PRPS2: variants seen among roughly 807,000 people sequenced by gnomAD.
The protein encoded by PRPS2 is ribose-phosphate pyrophosphokinase 2.
For missense variants in PRPS2, 104 were observed against 271.5 expected (o/e 0.38, Z 4.34); for synonymous variants, 111 against 115.3 (o/e 0.96, Z 0.24).
At chrX:12,809,798 A>G (rs1233404667) in intron 3 of PRPS2, among the ~76,000 whole-genome samples, 5 of 112,500 alleles carry the variant, frequency 4.4e-5, no homozygotes, top group African/African-American at 1.6e-4. Context: ...TCATAAGACA[A>G]TGGAATATGT....
chrX:12,796,055 A>T (rs1231069657), intron 1 of PRPS2, among the ~76,000 whole-genome samples: 12 of 110,802 alleles, frequency 1.1e-4, no homozygotes. Context: ...TTTCTTTAAA[A>T]TTTTTTTTAG....
Position 12,792,672 on chromosome X carries a change from A to G in PRPS2, c.122+1053A>G, listed in dbSNP as rs760509989. Among the ~76,000 whole-genome samples, 7 of 112,658 alleles carry G rather than the reference A, an allele frequency of 6.2e-5. No individual in the cohort carries two copies. In the East Asian group the frequency reaches 1.7e-3, roughly 27 times the overall value. On this transcript the variant is annotated intron_variant, in intron 1 of 6. Transcript: ENST00000380668. ...AGGTTCAATTTTACCAACATTTTCT[A>G]GAAATGGTGTTGGAACAGTTGGACA...
chrX:12,791,710 C>T, intron 1 of PRPS2, 91 bp downstream of exon 1: 2 of 784,818 alleles, frequency 2.5e-6, no homozygotes. Context: ...CGGGCCACCT[C>T]CGCGGACGCC....
chrX:12,812,051 G>A lies in PRPS2; in HGVS notation c.530+1905G>A, dbSNP rs143113333. ...TGTGTCACGTAGCCTATTACTGTACGGTGTGTAATGTTCACAAAAATGCCC... is the reference window on the plus strand; with the variant it reads ...TGTGTCACGTAGCCTATTACTGTACAGTGTGTAATGTTCACAAAAATGCCC... On this transcript the variant is annotated intron_variant, in intron 4 of 6. Transcript: ENST00000380668. Among the ~76,000 whole-genome samples, 992 of 112,183 alleles carry A rather than the reference G, an allele frequency of 8.8e-3. 8 individuals carry two copies. The highest frequency in any genetic ancestry group is 0.02 in the South Asian group (54 of 2,725).
At position 12,810,870 on chromosome X, in the gene PRPS2, A is replaced by C. The variant is rs377689227; in HGVS notation, c.530+724A>C. 2.7e-3 allele frequency among the ~76,000 whole-genome samples: 302 copies of C among 110,448 alleles called. 1 individual carries two copies. The highest frequency in any genetic ancestry group is 9.2e-3 in the African/African-American group (281 of 30,406). ...GACTCTAAAAAAAAAAAAAAGAAGA[A>C]GAAGAAGAAGAGAAGAGGGCTGAAG... On this transcript the variant is annotated intron_variant, in intron 4 of 6. Coordinates refer to ENST00000380668, the MANE Select transcript of PRPS2 (RefSeq NM_002765.5).
Position 12,810,054 on chromosome X carries a change from T to C in PRPS2, c.438T>C (p.Tyr146=), listed in dbSNP as rs780262057. 1.7e-6 allele frequency: 2 copies of C among 1,210,385 alleles called. No homozygotes were observed. Among genetic ancestry groups the C allele is most frequent in the South Asian group, 1.8e-5 (1 of 56,509 alleles). ...TTGATATTCCTGTGGATAATTTGTA[T>C]GCGGAGCCCGCAGTCCTGCAGTGGA... is the stretch of plus-strand genomic sequence containing the variant. The part of the protein sequence containing the change: ...GFFDIPVDNL[Y]AEPAVLQWIR... The change falls in exon 4 of 7, where the codon TAT becomes TAC. Residue 146 remains tyrosine, a synonymous_variant. Transcript: ENST00000380668.
chrX:12,804,103 A>G (rs2042582244), intron 2 of PRPS2, among the ~76,000 whole-genome samples: 2 of 108,710 alleles, frequency 1.8e-5, no homozygotes, highest in African/African-American at 6.7e-5. Flanking sequence ...CTGAAAGGGG[A>G]ATTCTTAATT....
rs2042686283 is a variant in PRPS2, at chrX:12,823,481, C to G, written c.*685C>G. On this transcript the variant is annotated 3_prime_UTR_variant, in exon 7 of 7. Coordinates refer to ENST00000380668, the MANE Select transcript of PRPS2 (RefSeq NM_002765.5). The stretch of plus-strand genomic sequence containing the variant: ...ATTTCTGGATCATTTTTTAAATGAC[C>G]TCTTCTAAAACATAACTGTCACTTA... 9.1e-6 allele frequency: 1 copy of G among 110,419 alleles called. No individual in the cohort carries two copies. Among genetic ancestry groups the G allele is most frequent in the African/African-American group, 3.3e-5 (1 of 30,331 alleles). 9.1% of individuals were successfully genotyped at this position (110,419 alleles called of 1,213,427 possible).
chrX:12,813,345 G>A (rs2042632938), intron 4 of PRPS2, among the ~76,000 whole-genome samples: 1 of 111,673 alleles, frequency 9.0e-6, no homozygotes, highest in South Asian at 3.8e-4. Flanking sequence ...CCATTTGTAG[G>A]TGCCGTTGTT....
intron 1 of PRPS2, among the ~76,000 whole-genome samples, chrX:12,792,859 T>G (rs1490456765): frequency 8.9e-6 from 1 of 112,714 alleles, no homozygotes; most frequent in Admixed American, 9.4e-5. Flanking sequence ...GGAGGAGTTA[T>G]GTTAATACTG....
At chrX:12,804,234 G>A (rs7055278) in intron 2 of PRPS2, among the ~76,000 whole-genome samples, 5 of 109,132 alleles carry the variant, frequency 4.6e-5, no homozygotes, top group East Asian at 2.9e-4. Flanking sequence ...CTCTGCCTCC[G>A]GGGTTCAAGC....
At chrX:12,800,586 G>A (rs1476001387) in intron 2 of PRPS2, among the ~76,000 whole-genome samples, 1 of 111,128 alleles carries the variant, frequency 9.0e-6, no homozygotes. Flanking sequence ...CAGGCTCAGC[G>A]AGAATCCTGC....
chrX:12,822,017 T>C (rs2042678758), intron 6 of PRPS2, among the ~76,000 whole-genome samples: 1 of 112,332 alleles, frequency 8.9e-6, no homozygotes. Flanking sequence ...GCAATTTGCT[T>C]GACACAAAGC....
At chrX:12,805,562 T>C (rs762094339) in intron 2 of PRPS2, among the ~76,000 whole-genome samples, 1 of 112,323 alleles carries the variant, frequency 8.9e-6, no homozygotes, top group Non-Finnish European at 1.9e-5. Context: ...AGTAAAACTT[T>C]ATGTGCACTG....
intron 4 of PRPS2, among the ~76,000 whole-genome samples, chrX:12,818,010 G>T (rs1338498081): frequency 9.0e-6 from 1 of 111,181 alleles, no homozygotes; most frequent in Non-Finnish European, 1.9e-5. Flanking sequence ...TGATGCCATT[G>T]AATTAATACA....
At chrX:12,817,689 G>A (rs755680217) in intron 4 of PRPS2, among the ~76,000 whole-genome samples, 1 of 111,526 alleles carries the variant, frequency 9.0e-6, no homozygotes, top group South Asian at 3.7e-4. Context: ...AACGCAATGC[G>A]CTGTATCCAC....
intron 2 of PRPS2, among the ~76,000 whole-genome samples, chrX:12,800,650 G>GT (rs2042564771): frequency 9.0e-6 from 1 of 111,516 alleles, no homozygotes; most frequent in Non-Finnish European, 1.9e-5. Context: ...TGCAAGAAAG[G>GT]TTTTCCCCAA....
In PRPS2 at chrX:12,809,289, C is replaced by T. The variant is rs2042610810; in HGVS notation, c.362C>T (p.Ala121Val). The T allele has an allele frequency of 1.7e-6, 2 of 1,208,162 alleles. No individual in the cohort carries two copies. The highest frequency in any genetic ancestry group is 2.2e-6 in the Non-Finnish European group (2 of 894,776). Residue 121 changes from alanine to valine, a missense_variant, in exon 3 of 7, where the codon GCG becomes GTG. Transcript: ENST00000380668. Reference sequence around the variant, plus strand: ...GCCAATATGCTGTCGGTGGCTGGGGCGGATCACATCATCACCATGGACCTG... The same window carrying T: ...GCCAATATGCTGTCGGTGGCTGGGGTGGATCACATCATCACCATGGACCTG... ...LVANMLSVAG[A>V]DHIITMDLHA...
intron 4 of PRPS2, among the ~76,000 whole-genome samples, chrX:12,815,351 C>T (rs1337923551): frequency 9.1e-6 from 1 of 110,468 alleles, no homozygotes; most frequent in Admixed American, 9.7e-5. Flanking sequence ...TGAGAACAGG[C>T]GCCACCTGGC....
Sources: gnomAD v4.1 joint callset for allele counts (sites outside exome capture counted in the v4.1 genomes callset) on GRCh38, gnomAD v4.1.1 for gene constraint, MANE v1.5 for transcripts, NCBI Gene and HGNC (gene_info 2026-07-23, HGNC 2026-07-21) for gene names.